STAG3: variants seen among roughly 807,000 people sequenced by gnomAD.
The protein encoded by STAG3 is STAG3 cohesin complex component.
In STAG3, 101 loss-of-function variants were observed where a neutral mutation model predicts 160.7. The ratio of observed to expected loss-of-function variants is 0.63; its 90% CI spans 0.54 to 0.74. STAG3 has a LOEUF of 0.74. Among genes scored for constraint, STAG3 ranks in the 30% least tolerant of loss-of-function variants. The pLI, the probability that STAG3 is intolerant of heterozygous loss-of-function variation, is 0.00. For synonymous variants in STAG3, 519 were observed against 585.0 expected (o/e 0.89, Z 1.63); for missense variants, 1,188 against 1,517.4 (o/e 0.78, Z 3.61).
chr7:100,200,266 G>A lies in STAG3; in HGVS notation c.1708G>A (p.Ala570Thr). ...GLTSKERKTQ[A>T]DDRVKLTEHL... ...AACCTCTAAGGAGCGCAAGACCCAA[G>A]CCGATGACAGGGTGAAGTTGACTGA... The change falls in exon 17 of 34, where the codon GCC (alanine) becomes ACC (threonine). Residue 570 changes from alanine (A) to threonine (T), a missense_variant. This residue lies in a region of STAG3 where 240 missense variants were observed against 358.1 expected (regional missense o/e 0.67). Coordinates refer to ENST00000615138, the MANE Select transcript of STAG3 (RefSeq NM_001282717.2). 6.2e-7 allele frequency: 1 copy of A among 1,613,172 alleles called. No homozygotes were observed. Among genetic ancestry groups the A allele is most frequent in the Non-Finnish European group, 8.5e-7 (1 of 1,179,950 alleles).
chr7:100,212,834 T>C (rs949445877), intron 32 of STAG3: 2 of 152,096 alleles, frequency 1.3e-5, no homozygotes, highest in African/African-American at 4.8e-5. Flanking sequence ...GGAGGATCAA[T>C]AGTCCAGGAG....
chr7:100,194,385 G>C (rs1458040802), intron 8 of STAG3, among the ~76,000 whole-genome samples: 2 of 152,150 alleles, frequency 1.3e-5, no homozygotes, highest in African/African-American at 4.8e-5. Flanking sequence ...GGCCTGAGGA[G>C]AGAGAGAGAG....
intron 5 of STAG3, 84 bp from the exon 6 acceptor site, chr7:100,188,369 C>A: frequency 1.1e-6 from 1 of 943,932 alleles, no homozygotes; most frequent in Non-Finnish European, 1.8e-6. Context: ...AGAATGTTTC[C>A]TTGCTCATCT....
intron 14 of STAG3, 75 bp from the exon 15 acceptor site, chr7:100,199,187 A>AT (rs1204014052): frequency 9.2e-7 from 1 of 1,087,674 alleles, no homozygotes; most frequent in African/African-American, 1.5e-5. Flanking sequence ...AAGGAGAGCG[A>AT]TATTTAATCA....
chr7:100,212,906 AAAAT>A (rs1802384261), intron 32 of STAG3: 1 of 152,614 alleles, frequency 6.6e-6, no homozygotes, highest in Non-Finnish European at 1.5e-5. Context: ...CAACAATTCA[AAAAT>A]AAATAAAATG....
Position 100,195,314 on chromosome 7 carries a change from A to G in STAG3, c.873A>G (p.Gln291=). 2 of 1,614,148 alleles carry G rather than the reference A, an allele frequency of 1.2e-6. No homozygotes were observed. The highest frequency in any genetic ancestry group is 1.7e-6 in the Non-Finnish European group (2 of 1,179,998). The change falls in exon 9 of 34, where the codon CAA becomes CAG. Residue 291 remains glutamine (Q), a synonymous_variant. Transcript: ENST00000615138. ...ESLLEKRKEL[Q]EHQEEIEGMM... ...CGTTTCTCCCTGTCCTCCAGCTCCA[A>G]GAGCATCAAGAGGAGATTGAGGGGA...
chr7:100,189,008 C>CAA lies in STAG3; in HGVS notation c.707_708insAA (p.Leu237ThrfsTer5), dbSNP rs1191682116. The CAA allele has an allele frequency of 6.2e-7, 1 of 1,614,132 alleles. No homozygotes were observed. The highest frequency in any genetic ancestry group is 2.2e-5 in the East Asian group (1 of 44,892). ...GTCCGCGCCTTCCGTCACACTAGCA[C>CAA]CCTGGCTGGTGAGCATTCATTTTTA... is the stretch of plus-strand genomic sequence containing the variant. On this transcript the variant is annotated frameshift_variant, in exon 7 of 34. Coordinates refer to ENST00000615138, the MANE Select transcript of STAG3 (RefSeq NM_001282717.2). LOFTEE classifies it high-confidence loss of function.
intron 6 of STAG3, 72 bp downstream of exon 6, chr7:100,188,601 T>G: frequency 1.5e-6 from 2 of 1,292,428 alleles, no homozygotes; most frequent in Non-Finnish European, 2.3e-6. Flanking sequence ...CCCTTCTTTT[T>G]GATTCTGTGA....
rs1485023098 is a variant in STAG3 at position 100,204,681 on chromosome 7, G to A, written c.2857G>A (p.Ala953Thr). The change falls in exon 27 of 34, where the codon GCC becomes ACC. Residue 953 changes from alanine to threonine, a missense_variant. Transcript: ENST00000615138. ...HGPQGLNELP[A>T]FIEMRDLARR... ...GCCCCAGGGCCTGAATGAGCTTCCTGCCTTCATCGAGATGAGGGACCTGGC... is the reference window on the plus strand; with the variant it reads ...GCCCCAGGGCCTGAATGAGCTTCCTACCTTCATCGAGATGAGGGACCTGGC... 3.1e-6 allele frequency: 5 copies of A among 1,614,042 alleles called. No individual in the cohort carries two copies. The African/African-American group carries it at 6.7e-5, about 22-fold the overall frequency.
rs1800201287 is a variant in STAG3, at chr7:100,189,102, C to T, written c.715+86C>T. 3 of 1,459,730 alleles carry T rather than the reference C, an allele frequency of 2.1e-6. No homozygotes were observed. The African/African-American group carries it at 4.2e-5, about 20-fold the overall frequency. The allele number at this position is 1,459,730 out of a possible 1,614,324, so 90.4% of individuals were successfully genotyped here. On this transcript the variant is annotated intron_variant, in intron 7 of 33. Coordinates refer to ENST00000615138, the MANE Select transcript of STAG3 (RefSeq NM_001282717.2). ...TCTGATTCAGGATCTTCTTTCCTAC[C>T]TGCATCTTGGCTCTTCACTTCAAGG...
chr7:100,191,954 A>C (rs977433811), intron 8 of STAG3, among the ~76,000 whole-genome samples: 9 of 152,232 alleles, frequency 5.9e-5, no homozygotes, highest in African/African-American at 2.2e-4. Flanking sequence ...CCTCTTCACC[A>C]GGAATAGATT....
intron 29 of STAG3, among the ~76,000 whole-genome samples, chr7:100,209,906 A>G (rs1305218167): frequency 6.6e-6 from 1 of 152,150 alleles, no homozygotes; most frequent in Non-Finnish European, 1.5e-5. Context: ...CTGTGGGGGA[A>G]GGTTGGGGCA....
At chr7:100,191,134 C>A (rs527728258) in intron 8 of STAG3, among the ~76,000 whole-genome samples, 76 of 152,114 alleles carry the variant, frequency 5.0e-4, no homozygotes, top group Non-Finnish European at 2.9e-5. Flanking sequence ...GCGGGGCTGT[C>A]CTGCCATGGT....
Position 100,200,269 on chromosome 7 carries a change from G to A in STAG3, c.1711G>A (p.Asp571Asn), listed in dbSNP as rs775217092. 4.3e-6 allele frequency: 7 copies of A among 1,613,218 alleles called. No homozygotes were observed. Among genetic ancestry groups the A allele is most frequent in the African/African-American group, 1.3e-5 (1 of 74,944 alleles). ...CTCTAAGGAGCGCAAGACCCAAGCC[G>A]ATGACAGGGTGAAGTTGACTGAGCA... ...LTSKERKTQA[D>N]DRVKLTEHLI... Residue 571 changes from aspartate to asparagine, a missense_variant, in exon 17 of 34, where the codon GAT (aspartate) becomes AAT (asparagine). Around this residue, in one of 4 missense-constraint regions of STAG3, gnomAD observed 240 missense variants for 358.1 expected, o/e 0.67. Transcript: ENST00000615138.
intron 6 of STAG3, 66 bp from the exon 7 acceptor site, chr7:100,188,746 C>T: frequency 1.3e-6 from 2 of 1,529,442 alleles, no homozygotes; most frequent in East Asian, 2.3e-5. Flanking sequence ...GTTTTGACAT[C>T]CAAGCCCCTA....
At position 100,200,936 on chromosome 7, in the gene STAG3, C is replaced by T. The variant is rs571811746; in HGVS notation, c.2028C>T (p.Asp676=). Residue 676 remains aspartate (D), a synonymous_variant, in exon 19 of 34, where the codon GAC becomes GAT. Transcript: ENST00000615138. ...GCCAGCTAGTAGATTTGCTGACTGACCGCTTCCAGCAGGAGCTTGAAGAGC... is the reference window on the plus strand; with the variant it reads ...GCCAGCTAGTAGATTTGCTGACTGATCGCTTCCAGCAGGAGCTTGAAGAGC... ...ARSQLVDLLT[D]RFQQELEELL... is the part of the protein sequence containing the mutation. The T allele has an allele frequency of 6.2e-6, 10 of 1,614,206 alleles. No individual in the cohort carries two copies. In the East Asian group the frequency reaches 2.2e-4, roughly 36 times the overall value.
At chr7:100,212,480 G>A (rs1322407873) in intron 32 of STAG3, 1 of 152,114 alleles carries the variant, frequency 6.6e-6, no homozygotes, top group Non-Finnish European at 1.5e-5. Flanking sequence ...TTTTGAGGTA[G>A]AGTCTCTCTT....
At chr7:100,199,711 TC>T in intron 16 of STAG3, 67 bp downstream of exon 16, 2 of 1,261,148 alleles carry the variant, frequency 1.6e-6, no homozygotes, top group Non-Finnish European at 2.2e-6. Flanking sequence ...TGCATCCTTA[TC>T]CCCCAGGCTG....
chr7:100,211,310 C>A, intron 30 of STAG3, 125 bp downstream of exon 30: 1 of 1,474,178 alleles, frequency 6.8e-7, no homozygotes, highest in South Asian at 1.3e-5. Context: ...TCTTCTCAAA[C>A]CCTTCTCCAT....
Sources: allele counts gnomAD v4.1 joint callset (sites outside exome capture counted in the v4.1 genomes callset), GRCh38; gene constraint gnomAD v4.1.1; regional missense constraint gnomAD v4.1.1; transcripts MANE v1.5; gene names NCBI Gene and HGNC (gene_info 2026-07-23, HGNC 2026-07-21).